The following TENM4 variants were observed in gnomAD, a reference collection of about 807,000 sequenced individuals.
TENM4 encodes teneurin transmembrane protein 4.
Under a neutral mutation model 243.3 loss-of-function variants are expected in TENM4, and 82 were observed. The observed-to-expected ratio is 0.34, with a 90% CI of 0.28 to 0.40. TENM4 has a LOEUF of 0.40. Ranked by LOEUF, TENM4 falls within the 10% of genes least tolerant of loss-of-function variation. The pLI, the probability that TENM4 is intolerant of heterozygous loss-of-function variation, is 1.00. For synonymous variants in TENM4, 1,412 were observed against 1,456.3 expected (o/e 0.97, Z 0.69); for missense variants, 3,138 against 3,673.3 (o/e 0.85, Z 3.77).
chr11:79,345,748 G>T (rs926120137), intron 1 of TENM4, among the ~76,000 whole-genome samples: 2 of 152,110 alleles, frequency 1.3e-5, no homozygotes, highest in Non-Finnish European at 2.9e-5. Context: ...CAAATCACAG[G>T]TGCTTAATAA....
intron 6 of TENM4, among the ~76,000 whole-genome samples, chr11:79,022,266 T>C (rs184745706): frequency 3.3e-4 from 50 of 152,330 alleles, no homozygotes; most frequent in Admixed American, 8.5e-4. Flanking sequence ...ATGATGAAAC[T>C]GAGGTTCAGA....
intron 2 of TENM4, among the ~76,000 whole-genome samples, chr11:79,267,191 AC>A (rs1220488168): frequency 6.6e-6 from 1 of 151,956 alleles, no homozygotes; most frequent in Non-Finnish European, 1.5e-5. Flanking sequence ...CAGCTCTACA[AC>A]CTACACATGC....
intron 6 of TENM4, among the ~76,000 whole-genome samples, chr11:78,997,030 C>T (rs1480188845): frequency 6.7e-6 from 1 of 150,232 alleles, no homozygotes; most frequent in Non-Finnish European, 1.5e-5. Flanking sequence ...GCTGTAGGTC[C>T]TGTGCAAGTT....
intron 12 of TENM4, among the ~76,000 whole-genome samples, chr11:78,824,072 C>T (rs1344227028): frequency 6.6e-6 from 1 of 152,140 alleles, no homozygotes; most frequent in East Asian, 1.9e-4. Flanking sequence ...ATTTCTACTC[C>T]TACCTAACCT....
chr11:78,736,998 A>G (rs1377540165), intron 20 of TENM4, among the ~76,000 whole-genome samples: 1 of 152,206 alleles, frequency 6.6e-6, no homozygotes, highest in Non-Finnish European at 1.5e-5. Flanking sequence ...AGGCCACTGA[A>G]CTTATGCCAG....
intron 1 of TENM4, among the ~76,000 whole-genome samples, chr11:79,384,555 A>G (rs1333761350): frequency 1.3e-5 from 2 of 152,114 alleles, no homozygotes; most frequent in African/African-American, 2.4e-5. Context: ...AACATGCACA[A>G]ACTACTTCTT....
At chr11:79,297,321 T>C (rs1027991429) in intron 2 of TENM4, among the ~76,000 whole-genome samples, 167 bp downstream of exon 2, 1 of 152,154 alleles carries the variant, frequency 6.6e-6, no homozygotes, top group Non-Finnish European at 1.5e-5. Flanking sequence ...CAAGTAATAC[T>C]CAAATGCCTC....
chr11:79,366,663 T>C (rs1232745426), intron 1 of TENM4, among the ~76,000 whole-genome samples: 1 of 152,228 alleles, frequency 6.6e-6, no homozygotes, highest in African/African-American at 2.4e-5. Context: ...TGCTCCACTG[T>C]ACAGTGCCTG....
chr11:78,815,536 T>C (rs1181698696), intron 12 of TENM4, among the ~76,000 whole-genome samples: 1 of 152,102 alleles, frequency 6.6e-6, no homozygotes, highest in Non-Finnish European at 1.5e-5. Context: ...GTCAAGAAAA[T>C]ATAGAATCAA....
At position 78,676,193 on chromosome 11, in the gene TENM4, G is replaced by C; in HGVS notation, c.5455C>G (p.Gln1819Glu). The change falls in exon 30 of 34, where the codon CAG (glutamine) becomes GAG (glutamate). Residue 1819 changes from glutamine (Q) to glutamate (E), a missense_variant. By Grantham distance (29) the Gln-to-Glu change is conservative. This residue lies in a region of TENM4 where 2,467 missense variants were observed against 3,059.1 expected (regional missense o/e 0.81). Coordinates refer to ENST00000278550, the MANE Select transcript of TENM4 (RefSeq NM_001098816.3). ...AAGACAGTGACCTGGCCCCGAGCCT[G>C]CTCTTTGCGCTGGCGCCACTCCACC... ...NLVEWRQRKE[Q>E]ARGQVTVFGR... 1 of 1,562,836 alleles carries C rather than the reference G, an allele frequency of 6.4e-7. No homozygotes were observed. The highest frequency in any genetic ancestry group is 2.4e-5 in the East Asian group (1 of 42,256).
intron 1 of TENM4, among the ~76,000 whole-genome samples, chr11:79,318,413 A>G (rs1856836403): frequency 6.6e-6 from 1 of 152,204 alleles, no homozygotes; most frequent in African/African-American, 2.4e-5. Flanking sequence ...AACCTTATTA[A>G]TGAATTTTAC....
At chr11:78,698,256 G>T (rs1859013598) in intron 28 of TENM4, among the ~76,000 whole-genome samples, 2 of 152,074 alleles carry the variant, frequency 1.3e-5, no homozygotes, top group Admixed American at 6.5e-5. Context: ...ACAAAAATTA[G>T]CCGGGCGTCG....
chr11:78,668,864 A>G, intron 32 of TENM4, 73 bp downstream of exon 32: 2 of 1,506,714 alleles, frequency 1.3e-6, no homozygotes, highest in South Asian at 1.3e-5. Context: ...AGCTTTCTCA[A>G]AGAAGACTAA....
intron 30 of TENM4, among the ~76,000 whole-genome samples, chr11:78,675,897 C>G (rs952247894): frequency 2.0e-5 from 3 of 152,120 alleles, no homozygotes; most frequent in Non-Finnish European, 4.4e-5. Context: ...ACTGATCTGT[C>G]CAAGCTCACT....
intron 29 of TENM4, among the ~76,000 whole-genome samples, chr11:78,685,780 C>T (rs1565331133): frequency 6.6e-6 from 1 of 152,180 alleles, no homozygotes; most frequent in East Asian, 1.9e-4. Flanking sequence ...GGTGGTCCTG[C>T]AGTCCTTGGT....
chr11:79,024,208 T>G (rs1460249939), intron 6 of TENM4, among the ~76,000 whole-genome samples: 4 of 152,190 alleles, frequency 2.6e-5, no homozygotes, highest in Non-Finnish European at 5.9e-5. Flanking sequence ...TGACTTAGAA[T>G]GTCCACCTGC....
At chr11:79,251,343 G>A (rs1855608864) in intron 2 of TENM4, among the ~76,000 whole-genome samples, 2 of 152,164 alleles carry the variant, frequency 1.3e-5, no homozygotes, top group Admixed American at 6.5e-5. Context: ...AAAATAAATA[G>A]CCTATGATGT....
At position 79,091,262 on chromosome 11, in the gene TENM4, T is replaced by A. The variant is rs535607979; in HGVS notation, c.-65-21253A>T. Among the ~76,000 whole-genome samples the A allele has an allele frequency of 2.0e-5, 3 of 152,352 alleles. No individual in the cohort carries two copies. In the South Asian group the frequency reaches 6.2e-4, roughly 32 times the overall value. On this transcript the variant is annotated intron_variant, in intron 4 of 33. Transcript: ENST00000278550. ...GCCTGAATGAATGATTTATAAAGTA[T>A]CAGCTTGTCAGCCTGGGATAACTTG...
chr11:79,428,672 G>C (rs1033667719), intron 1 of TENM4, among the ~76,000 whole-genome samples: 2 of 152,322 alleles, frequency 1.3e-5, no homozygotes, highest in African/African-American at 2.4e-5. Context: ...AATCAGAAGA[G>C]GACAGGCTGA....
Sources: gnomAD v4.1 joint callset for allele counts (sites outside exome capture counted in the v4.1 genomes callset) on GRCh38, gnomAD v4.1.1 for gene constraint, gnomAD v4.1.1 regional missense constraint, MANE v1.5 for transcripts, NCBI Gene and HGNC (gene_info 2026-07-23, HGNC 2026-07-21) for gene names.